FUBP1: variants seen among roughly 807,000 people sequenced by gnomAD.
FUBP1 encodes the protein far upstream element-binding protein 1.
Under a neutral mutation model 94.9 loss-of-function variants are expected in FUBP1, and 16 were observed. The ratio of observed to expected loss-of-function variants is 0.17; its 90% CI spans 0.11 to 0.26. The LOEUF (loss-of-function observed/expected upper bound fraction) is 0.26. Among genes scored for constraint, FUBP1 ranks in the 10% least tolerant of loss-of-function variants. The probability of loss-of-function intolerance (pLI) is 1.00; values close to 1 mark genes in which losing one functional copy is unlikely to be tolerated. For missense variants in FUBP1, 583 were observed against 808.6 expected, an observed-to-expected ratio of 0.72 and a Z score of 3.38; for synonymous variants, 279 against 254.9, an observed-to-expected ratio of 1.09 and a Z score of -0.90.
intron 1 of FUBP1, among the ~76,000 whole-genome samples, chr1:77,971,475 G>C (rs1657521567): frequency 1.3e-5 from 2 of 152,216 alleles, no homozygotes; most frequent in South Asian, 4.1e-4. Context: ...GATCACTTAA[G>C]TCTATGTATC....
At chr1:77,976,576 C>A (rs2102527394) in intron 1 of FUBP1, among the ~76,000 whole-genome samples, 1 of 152,232 alleles carries the variant, frequency 6.6e-6, no homozygotes, top group East Asian at 1.9e-4. Flanking sequence ...TCACTGCAAC[C>A]TCCACTTCCC....
At chr1:77,969,757 C>T (rs1391020738) in intron 2 of FUBP1, among the ~76,000 whole-genome samples, 168 bp downstream of exon 2, 3 of 151,862 alleles carry the variant, frequency 2.0e-5, no homozygotes, top group Non-Finnish European at 4.4e-5. Context: ...TCAAATTTTA[C>T]TTACCTTGTC....
chr1:77,955,224 T>C, intron 18 of FUBP1, 31 bp downstream of exon 18: 1 of 881,670 alleles, frequency 1.1e-6, no homozygotes, highest in Non-Finnish European at 1.9e-6. Flanking sequence ...TTTAATTAAG[T>C]ATGTATTTTC....
intron 1 of FUBP1, among the ~76,000 whole-genome samples, chr1:77,974,898 G>A (rs925541667): frequency 9.9e-5 from 15 of 152,222 alleles, no homozygotes; most frequent in African/African-American, 3.4e-4. Context: ...GTATCCCTGG[G>A]GGATTGGTTC....
Position 77,960,403 on chromosome 1 carries a change from A to G in FUBP1, c.1437T>C (p.Thr479=), listed in dbSNP as rs535553903. ...HGPPGPPGPG[T]PMGPYNPAPY... ...GTGCAGGGTTGTATGGTCCCATTGGAGTTCCAGGCCCTGGAGGCCCAGGAG... is the reference window on the plus strand; with the variant it reads ...GTGCAGGGTTGTATGGTCCCATTGGGGTTCCAGGCCCTGGAGGCCCAGGAG... The change falls in exon 15 of 20, where the codon ACT becomes ACC. Residue 479 remains threonine (T), a synonymous_variant. Transcript: ENST00000370768. The G allele has an allele frequency of 1.9e-4, 308 of 1,595,322 alleles. 3 individuals are homozygous for G. The South Asian group carries it at 3.3e-3, about 17-fold the overall frequency.
intron 1 of FUBP1, among the ~76,000 whole-genome samples, chr1:77,972,595 A>T (rs1571355523): frequency 4.1e-5 from 1 of 24,422 alleles, no homozygotes; most frequent in Non-Finnish European, 8.2e-5. Context: ...CTAAAAATAC[A>T]AAAAAAAAAA....
At chr1:77,976,942 C>T (rs112003048) in intron 1 of FUBP1, among the ~76,000 whole-genome samples, 2 of 152,322 alleles carry the variant, frequency 1.3e-5, no homozygotes, top group African/African-American at 4.8e-5. Context: ...CAAGTCCCCA[C>T]ACCTCTGCGC....
chr1:77,964,513 A>G, intron 10 of FUBP1, 133 bp downstream of exon 10: 3 of 674,512 alleles, frequency 4.4e-6, no homozygotes, highest in Admixed American at 2.8e-5. Flanking sequence ...CAAGATATAT[A>G]GAATTCTGTA....
chr1:77,948,451 A>C lies in FUBP1; in HGVS notation c.*315T>G. Reference sequence around the variant, plus strand: ...TAAAGCACAAAACAGGCATTTTAAAAGTGAAAGTATACATTGAAAAAGTAC... The same window carrying C: ...TAAAGCACAAAACAGGCATTTTAAACGTGAAAGTATACATTGAAAAAGTAC... On this transcript the variant is annotated 3_prime_UTR_variant, in exon 20 of 20. Transcript: ENST00000370768. 8.7e-7 allele frequency: 1 copy of C among 1,151,988 alleles called. No homozygotes were observed. The highest frequency in any genetic ancestry group is 1.1e-6 in the Non-Finnish European group (1 of 935,276). The allele number at this position is 1,151,988 out of a possible 1,614,324, so 71.4% of individuals were successfully genotyped here.
intron 1 of FUBP1, among the ~76,000 whole-genome samples, chr1:77,972,370 T>A (rs1657725590): frequency 6.6e-6 from 1 of 152,114 alleles, no homozygotes; most frequent in Non-Finnish European, 1.5e-5. Flanking sequence ...CTCCTTGAAC[T>A]CCAAGACACT....
chr1:77,947,250 A>G lies in FUBP1; in HGVS notation c.*1516T>C, dbSNP rs1012052681. On this transcript the variant is annotated 3_prime_UTR_variant, in exon 20 of 20. Coordinates refer to ENST00000370768, the MANE Select transcript of FUBP1 (RefSeq NM_003902.5). ...TAGCTATAGCTAAAGCATATAAAAAATACTTACCCATTAAGCTCACTTTAA... is the reference window on the plus strand; with the variant it reads ...TAGCTATAGCTAAAGCATATAAAAAGTACTTACCCATTAAGCTCACTTTAA... 4 of 290,928 alleles carry G rather than the reference A, an allele frequency of 1.4e-5. No homozygotes were observed. Among genetic ancestry groups the G allele is most frequent in the Non-Finnish European group, 2.0e-5 (3 of 149,620 alleles). The allele number at this position is 290,928 out of a possible 1,614,324, so 18.0% of individuals were successfully genotyped here.
intron 16 of FUBP1, 32 bp downstream of exon 16, chr1:77,960,152 C>T: frequency 6.9e-7 from 1 of 1,444,848 alleles, no homozygotes; most frequent in Non-Finnish European, 9.7e-7. Context: ...GAAAATAATA[C>T]AGATAACACA....
intron 18 of FUBP1, among the ~76,000 whole-genome samples, chr1:77,953,628 T>C (rs1251658735): frequency 6.6e-6 from 1 of 152,140 alleles, no homozygotes; most frequent in African/African-American, 2.4e-5. Flanking sequence ...TTCTATGCCA[T>C]GTTTTCCTAC....
At position 77,966,923 on chromosome 1, in the gene FUBP1, T is replaced by C. The variant is rs772038048; in HGVS notation, c.376A>G (p.Ile126Val). Residue 126 changes from isoleucine (I) to valine (V), a missense_variant, in exon 6 of 20, where the codon ATA becomes GTA. Ile to Val is a conservative substitution (Grantham distance 29, BLOSUM62 3). Transcript: ENST00000370768. The stretch of plus-strand genomic sequence containing the variant: ...ATTTTGCATCCAGATTCCTGTTGTA[T>C]GCGTGAGATCTGTTCACCTCCTCTG... Reference protein sequence around the residue: ...IGRGGEQISRIQQESGCKIQI... With the variant: ...IGRGGEQISRVQQESGCKIQI... 6.8e-6 allele frequency: 11 copies of C among 1,607,622 alleles called. No individual in the cohort carries two copies. The highest frequency in any genetic ancestry group is 8.5e-6 in the Non-Finnish European group (10 of 1,174,550).
chr1:77,974,794 G>A (rs370478366), intron 1 of FUBP1, among the ~76,000 whole-genome samples: 6 of 152,244 alleles, frequency 3.9e-5, no homozygotes, highest in Non-Finnish European at 7.4e-5. Context: ...TGTATCCTCC[G>A]AGGTTAAGAA....
chr1:77,952,274 T>G (rs564789772), intron 18 of FUBP1, among the ~76,000 whole-genome samples: 1 of 151,548 alleles, frequency 6.6e-6, no homozygotes, highest in East Asian at 1.9e-4. Context: ...AATAAAAATT[T>G]ATCCTCTTAG....
At chr1:77,967,235 T>C (rs572362402) in intron 4 of FUBP1, 134 bp from the exon 5 acceptor site, 3 of 584,692 alleles carry the variant, frequency 5.1e-6, no homozygotes, top group Admixed American at 6.6e-5. Flanking sequence ...CTCAGACTCA[T>C]GTCAAAAAAT....
chr1:77,967,502 T>A, intron 4 of FUBP1, 125 bp downstream of exon 4: 1 of 659,596 alleles, frequency 1.5e-6, no homozygotes, highest in Non-Finnish European at 2.6e-6. Flanking sequence ...CCAAGGGGAG[T>A]GATATGAACT....
rs1655226900 is a variant in FUBP1 at position 77,960,391 on chromosome 1, T to C, written c.1449A>G (p.Pro483=). Residue 483 remains proline (P), a synonymous_variant, in exon 15 of 20, where the codon CCA becomes CCG. Coordinates refer to ENST00000370768, the MANE Select transcript of FUBP1 (RefSeq NM_003902.5). ...GPPGPGTPMG[P]YNPAPYNPGP... is the part of the protein sequence containing the mutation. The stretch of plus-strand genomic sequence containing the variant: ...CAGGATTATAAGGTGCAGGGTTGTA[T>C]GGTCCCATTGGAGTTCCAGGCCCTG... The C allele has an allele frequency of 6.3e-7, 1 of 1,597,916 alleles. No individual in the cohort carries two copies. The highest frequency in any genetic ancestry group is 8.5e-7 in the Non-Finnish European group (1 of 1,176,540).
Sources: gnomAD v4.1 joint callset for allele counts (sites outside exome capture counted in the v4.1 genomes callset) on GRCh38, gnomAD v4.1.1 for gene constraint, MANE v1.5 for transcripts, NCBI Gene and HGNC (gene_info 2026-07-23, HGNC 2026-07-21) for gene names.